GRM1: variants seen among roughly 807,000 people sequenced by gnomAD.
The protein encoded by GRM1 is metabotropic glutamate receptor 1.
Under a neutral mutation model 90.9 loss-of-function variants are expected in GRM1, and 33 were observed. The observed-to-expected ratio is 0.36, with a 90% confidence interval of 0.28 to 0.49. The LOEUF is 0.49. GRM1 is among the 20% of genes least tolerant of loss of function. The pLI, the probability that GRM1 is intolerant of heterozygous loss-of-function variation, is 0.99. For missense variants in GRM1, 1,190 were observed against 1,534.3 expected (o/e 0.78, Z 3.75); for synonymous variants, 700 against 613.2 (o/e 1.14, Z -2.09).
At chr6:146,039,722 A>G (rs1289773497) in intron 1 of GRM1, among the ~76,000 whole-genome samples, 1 of 152,012 alleles carries the variant, frequency 6.6e-6, no homozygotes, top group Non-Finnish European at 1.5e-5. Context: ...GTTTTACTAA[A>G]GAAAGTGTCA....
intron 1 of GRM1, among the ~76,000 whole-genome samples, chr6:146,047,700 G>A (rs1791385720): frequency 6.6e-6 from 1 of 151,964 alleles, no homozygotes; most frequent in South Asian, 2.1e-4. Flanking sequence ...ACTTCTGCAT[G>A]TGGGGAAGTT....
rs186183308 is a variant in GRM1 at position 146,418,366 on chromosome 6, T to C, written c.2661-15506T>C. Reference sequence around the variant, plus strand: ...ATAAATTTATTTTTATAATAGAAGTTATTGCTTATTTTTATATTAAAAATA... The same window carrying C: ...ATAAATTTATTTTTATAATAGAAGTCATTGCTTATTTTTATATTAAAAATA... On this transcript the variant is annotated intron_variant, in intron 7 of 7. Transcript: ENST00000282753. Among the ~76,000 whole-genome samples the C allele has an allele frequency of 1.2e-4, 18 of 151,924 alleles. No individual in the cohort carries two copies. In the East Asian group the frequency reaches 3.5e-3, roughly 29 times the overall value.
chr6:146,223,324 T>G (rs538546274), intron 2 of GRM1, among the ~76,000 whole-genome samples: 2 of 152,258 alleles, frequency 1.3e-5, no homozygotes, highest in African/African-American at 4.8e-5. Flanking sequence ...CTAAGCCATA[T>G]TTATGTCCTG....
In GRM1 at chr6:146,211,278, G is replaced by A. The variant is rs141968939; in HGVS notation, c.950+51681G>A. ...GAAGAAGTTGACAGTTCTGACACTT[G>A]ATCATTCATACCTGGTGACTTGTGT... On this transcript the variant is annotated intron_variant, in intron 2 of 7. Coordinates refer to ENST00000282753, the MANE Select transcript of GRM1 (RefSeq NM_001278064.2). Among the ~76,000 whole-genome samples, 398 of 151,110 alleles carry A rather than the reference G, an allele frequency of 2.6e-3. 3 individuals carry two copies. Among genetic ancestry groups the A allele is most frequent in the African/African-American group, 8.9e-3 (365 of 41,006 alleles).
intron 3 of GRM1, among the ~76,000 whole-genome samples, chr6:146,350,181 C>T (rs1785351149): frequency 6.6e-6 from 1 of 152,182 alleles, no homozygotes; most frequent in Non-Finnish European, 1.5e-5. Flanking sequence ...CTGGCACTGG[C>T]TTAAGAAATT....
chr6:146,256,520 T>C (rs1781483517), intron 2 of GRM1, among the ~76,000 whole-genome samples: 1 of 152,124 alleles, frequency 6.6e-6, no homozygotes, highest in African/African-American at 2.4e-5. Flanking sequence ...CGAAATTTTG[T>C]AGAGGACACT....
intron 7 of GRM1, among the ~76,000 whole-genome samples, chr6:146,419,301 G>A (rs1195121510): frequency 6.6e-6 from 1 of 152,188 alleles, no homozygotes; most frequent in Non-Finnish European, 1.5e-5. Context: ...TAGCATGAAA[G>A]AGACTGTGGC....
At chr6:146,126,778 G>A (rs1171781094) in intron 1 of GRM1, among the ~76,000 whole-genome samples, 1 of 152,076 alleles carries the variant, frequency 6.6e-6, no homozygotes, top group African/African-American at 2.4e-5. Flanking sequence ...TTTTAAATTT[G>A]CTCTGAAGAA....
chr6:146,238,147 A>G (rs1041183297), intron 2 of GRM1, among the ~76,000 whole-genome samples: 5 of 152,176 alleles, frequency 3.3e-5, no homozygotes, highest in Admixed American at 2.0e-4. Flanking sequence ...AACGAAAAAC[A>G]CAACGTAGGA....
chr6:146,068,350 T>C (rs1320391259), intron 1 of GRM1, among the ~76,000 whole-genome samples: 1 of 152,168 alleles, frequency 6.6e-6, no homozygotes, highest in Non-Finnish European at 1.5e-5. Flanking sequence ...CCTGACCTCA[T>C]GATCCGCCCA....
intron 5 of GRM1, among the ~76,000 whole-genome samples, chr6:146,375,751 A>G (rs1410155252): frequency 1.3e-5 from 2 of 151,990 alleles, no homozygotes; most frequent in African/African-American, 4.8e-5. Context: ...ATCTTTTGCC[A>G]TCCTTTTATT....
intron 5 of GRM1, among the ~76,000 whole-genome samples, chr6:146,360,211 A>G (rs362903): frequency 0.19 from 29,590 of 151,964 alleles, 3,752 homozygotes; most frequent in African/African-American, 0.37. Flanking sequence ...TTAAACTGCT[A>G]AAATAATAAT....
chr6:146,227,651 A>G lies in GRM1; in HGVS notation c.950+68054A>G, dbSNP rs754179744. On this transcript the variant is annotated intron_variant, in intron 2 of 7. Coordinates refer to ENST00000282753, the MANE Select transcript of GRM1 (RefSeq NM_001278064.2). ...AATCTATCAATGCTTCATATGGACCAATCTCAGTAATAACAGAGATACCAA... is the reference window on the plus strand; with the variant it reads ...AATCTATCAATGCTTCATATGGACCGATCTCAGTAATAACAGAGATACCAA... Among the ~76,000 whole-genome samples the G allele has an allele frequency of 5.9e-5, 9 of 152,322 alleles. No individual in the cohort carries two copies. The East Asian group carries it at 9.7e-4, about 16-fold the overall frequency.
chr6:146,220,981 A>G (rs927575530), intron 2 of GRM1, among the ~76,000 whole-genome samples: 2 of 151,872 alleles, frequency 1.3e-5, no homozygotes, highest in Admixed American at 1.3e-4. Flanking sequence ...AGACGACCAC[A>G]GAGAGGTGAG....
Position 146,357,473 on chromosome 6 carries a change from T to A in GRM1, c.1434-53T>A, listed in dbSNP as rs362890. 3,082 of 1,459,334 alleles carry A rather than the reference T, an allele frequency of 2.1e-3. 23 individuals are homozygous for A. In the African/African-American group the frequency reaches 0.022, roughly 10 times the overall value. The allele number at this position is 1,459,334 out of a possible 1,614,324, so 90.4% of individuals were successfully genotyped here. A position where few individuals can be genotyped will look rare whatever the true frequency, so the allele number is the denominator to read the frequency against. ...ATTATCTACTTACCAACTTTCTTTG[T>A]TTTCTACATTATGTCTATATTCTAT... On this transcript the variant is annotated intron_variant, in intron 4 of 7. Coordinates refer to ENST00000282753, the MANE Select transcript of GRM1 (RefSeq NM_001278064.2).
At chr6:146,192,635 A>G (rs766241738) in intron 2 of GRM1, among the ~76,000 whole-genome samples, 1 of 152,162 alleles carries the variant, frequency 6.6e-6, no homozygotes, top group Non-Finnish European at 1.5e-5. Flanking sequence ...AATTCTCACT[A>G]TTCTTACTCT....
At chr6:146,163,711 C>T (rs773860783) in intron 2 of GRM1, among the ~76,000 whole-genome samples, 1 of 152,206 alleles carries the variant, frequency 6.6e-6, no homozygotes, top group Non-Finnish European at 1.5e-5. Flanking sequence ...TTAACTTGCT[C>T]TCTCTTTCAG....
intron 3 of GRM1, among the ~76,000 whole-genome samples, chr6:146,321,278 G>A (rs1288122754): frequency 3.9e-5 from 6 of 152,098 alleles, no homozygotes; most frequent in African/African-American, 9.7e-5. Context: ...GTAGTTGTGC[G>A]GTTTTGAGTG....
intron 1 of GRM1, among the ~76,000 whole-genome samples, chr6:146,121,334 C>G (rs1019517182): frequency 1.8e-4 from 28 of 151,940 alleles, no homozygotes; most frequent in African/African-American, 6.5e-4. Context: ...CTCTTTTTTT[C>G]TTTATTAATC....
Sources: gnomAD v4.1 joint callset for allele counts (sites outside exome capture counted in the v4.1 genomes callset) on GRCh38, gnomAD v4.1.1 for gene constraint, MANE v1.5 for transcripts, NCBI Gene and HGNC (gene_info 2026-07-23, HGNC 2026-07-21) for gene names.